The following PTPRD variants were observed in gnomAD, a reference collection of about 807,000 sequenced individuals.
The protein encoded by PTPRD is protein tyrosine phosphatase receptor type D.
In PTPRD, 34 loss-of-function variants were observed where a neutral mutation model predicts 214.5. The observed-to-expected ratio is 0.16, with a 90% CI of 0.12 to 0.21. The LOEUF (loss-of-function observed/expected upper bound fraction) is 0.21. Ranked by LOEUF, PTPRD falls within the 10% of genes least tolerant of loss-of-function variation. PTPRD has a pLI of 1.00. For missense variants in PTPRD, 2,545 were observed against 2,398.7 expected (o/e 1.06, Z -1.27); for synonymous variants, 1,128 against 845.7 (o/e 1.33, Z -5.79).
chr9:10,511,569 A>T (rs1185852220), intron 2 of PTPRD, among the ~76,000 whole-genome samples: 21 of 127,854 alleles, frequency 1.6e-4, no homozygotes, highest in Admixed American at 3.3e-4. Context: ...ACACCCTGGT[A>T]TTTTTTTTTT....
rs902226570 is a variant in PTPRD, at chr9:8,341,681, C to A, written c.4947+12G>T. 6 of 1,612,382 alleles carry A rather than the reference C, an allele frequency of 3.7e-6. No individual in the cohort carries two copies. The highest frequency in any genetic ancestry group is 3.3e-4 in the Middle Eastern group (2 of 6,064). ...TTGCTCCTGAATAACCACATCACATCCAATACCATACCTTAAATTCGAGCT... is the reference window on the plus strand; with the variant it reads ...TTGCTCCTGAATAACCACATCACATACAATACCATACCTTAAATTCGAGCT... On this transcript the variant is annotated intron_variant, in intron 40 of 45. Transcript: ENST00000381196.
chr9:9,015,873 C>T (rs1163543243), intron 11 of PTPRD, among the ~76,000 whole-genome samples: 2 of 152,042 alleles, frequency 1.3e-5, no homozygotes, highest in South Asian at 4.1e-4. Context: ...TGACCATAAA[C>T]AGAAAATCAG....
chr9:10,107,467 G>A (rs1409622637), intron 3 of PTPRD, among the ~76,000 whole-genome samples: 2 of 152,018 alleles, frequency 1.3e-5, no homozygotes, highest in Non-Finnish European at 2.9e-5. Flanking sequence ...ATGACCCCCA[G>A]AGTTTATTGA....
chr9:8,696,419 G>A (rs1565353411), intron 12 of PTPRD, among the ~76,000 whole-genome samples: 1 of 152,166 alleles, frequency 6.6e-6, no homozygotes, highest in Admixed American at 6.5e-5. Flanking sequence ...ATGTGTGGAG[G>A]AAAACAGTTA....
intron 10 of PTPRD, among the ~76,000 whole-genome samples, chr9:9,048,409 C>T (rs1371594621): frequency 6.6e-6 from 1 of 152,146 alleles, no homozygotes; most frequent in Non-Finnish European, 1.5e-5. Context: ...ACCTAAGTGT[C>T]CATCACCAGA....
intron 9 of PTPRD, among the ~76,000 whole-genome samples, chr9:9,341,637 G>A (rs969272851): frequency 1.3e-5 from 2 of 151,934 alleles, no homozygotes; most frequent in Non-Finnish European, 2.9e-5. Context: ...TAGTGTTTAT[G>A]CTTTACTTGA....
At position 10,491,066 on chromosome 9, in the gene PTPRD, A is replaced by T. The variant is rs748840576; in HGVS notation, c.-600+121332T>A. On this transcript the variant is annotated intron_variant, in intron 2 of 45. Transcript: ENST00000381196. ...TCCCACCAGATTGCAAGCTTCCTGA[A>T]TGCAAAGAGTTGAACTGCCTTGTTC... Among the ~76,000 whole-genome samples the T allele has an allele frequency of 5.9e-5, 9 of 152,208 alleles. No individual in the cohort carries two copies. The South Asian group carries it at 6.2e-4, about 10-fold the overall frequency.
chr9:9,844,278 T>A (rs2153646008), intron 5 of PTPRD, among the ~76,000 whole-genome samples: 1 of 152,114 alleles, frequency 6.6e-6, no homozygotes, highest in Non-Finnish European at 1.5e-5. Context: ...AACACATCCA[T>A]CATCACCCAT....
chr9:8,347,104 C>G (rs964072152), intron 39 of PTPRD, among the ~76,000 whole-genome samples: 2 of 152,004 alleles, frequency 1.3e-5, no homozygotes, highest in African/African-American at 4.8e-5. Context: ...GGGGACTACA[C>G]TAATAATGTG....
chr9:9,323,326 TC>T (rs1967637722), intron 9 of PTPRD, among the ~76,000 whole-genome samples: 2 of 152,138 alleles, frequency 1.3e-5, no homozygotes, highest in African/African-American at 2.4e-5. Context: ...TTTAATCAAA[TC>T]TTTTTTACTT....
chr9:9,085,187 T>A (rs1367283848), intron 10 of PTPRD, among the ~76,000 whole-genome samples: 1 of 152,160 alleles, frequency 6.6e-6, no homozygotes, highest in Non-Finnish European at 1.5e-5. Context: ...GTCATTTTAA[T>A]GGCATTGTGA....
intron 9 of PTPRD, among the ~76,000 whole-genome samples, chr9:9,356,857 C>A (rs2053991005): frequency 6.6e-6 from 1 of 151,340 alleles, no homozygotes; most frequent in African/African-American, 2.4e-5. Flanking sequence ...CCCTGAATTT[C>A]TGCTTTGTAT....
At chr9:9,788,237 A>T (rs2098940271) in intron 5 of PTPRD, among the ~76,000 whole-genome samples, 1 of 151,764 alleles carries the variant, frequency 6.6e-6, no homozygotes, top group African/African-American at 2.4e-5. Context: ...TCACAAAAGG[A>T]TGCCATGAAA....
At chr9:10,380,012 T>A (rs2097789763) in intron 2 of PTPRD, among the ~76,000 whole-genome samples, 1 of 152,036 alleles carries the variant, frequency 6.6e-6, no homozygotes, top group Admixed American at 6.6e-5. Context: ...CAGGCTAGAA[T>A]GCGGTGGCAC....
intron 3 of PTPRD, among the ~76,000 whole-genome samples, chr9:10,304,112 T>G (rs1471341338): frequency 6.6e-6 from 1 of 152,102 alleles, no homozygotes; most frequent in East Asian, 1.9e-4. Context: ...GTTCAACATA[T>G]GCAAATCAAT....
intron 3 of PTPRD, among the ~76,000 whole-genome samples, chr9:10,038,492 A>G (rs1215806865): frequency 2.6e-5 from 4 of 152,142 alleles, no homozygotes; most frequent in African/African-American, 9.7e-5. Context: ...TTAAGCACTT[A>G]TAATGTATCT....
chr9:8,837,915 T>A (rs1319421632), intron 11 of PTPRD, among the ~76,000 whole-genome samples: 1 of 152,212 alleles, frequency 6.6e-6, no homozygotes, highest in South Asian at 2.1e-4. Context: ...AAAAGTTGAC[T>A]ACAATTAAAT....
At chr9:10,421,765 T>A (rs907088137) in intron 2 of PTPRD, among the ~76,000 whole-genome samples, 7 of 151,890 alleles carry the variant, frequency 4.6e-5, no homozygotes, top group Non-Finnish European at 7.4e-5. Context: ...TTTATTACTG[T>A]TTTTCATTCC....
At chr9:9,206,769 G>A (rs1593542531) in intron 9 of PTPRD, among the ~76,000 whole-genome samples, 2 of 152,246 alleles carry the variant, frequency 1.3e-5, no homozygotes, top group East Asian at 3.9e-4. Flanking sequence ...TTTTCCACTG[G>A]CTTTTGGGCC....
Sources: allele counts gnomAD v4.1 joint callset (sites outside exome capture counted in the v4.1 genomes callset), GRCh38; gene constraint gnomAD v4.1.1; transcripts MANE v1.5; gene names NCBI Gene and HGNC (gene_info 2026-07-23, HGNC 2026-07-21).